RFX2: variants seen among roughly 807,000 people sequenced by gnomAD.
RFX2 encodes the protein regulatory factor X2.
A neutral mutation model predicts 87.8 loss-of-function variants in RFX2; 20 were observed. The ratio of observed to expected loss-of-function variants is 0.23; its 90% CI spans 0.16 to 0.33. The LOEUF (loss-of-function observed/expected upper bound fraction) is 0.33, where lower values mean the gene tolerates loss of function less well. Among genes scored for constraint, RFX2 ranks in the 10% least tolerant of loss-of-function variants. The pLI is 1.00. For missense variants in RFX2, 767 were observed against 1,012.3 expected (o/e 0.76, Z 3.29); for synonymous variants, 397 against 431.3 (o/e 0.92, Z 0.98).
In RFX2 at chr19:6,099,040, G is replaced by A. The variant is rs1274078313; in HGVS notation, c.-9+11353C>T. Among the ~76,000 whole-genome samples, 4 of 144,942 alleles carry A rather than the reference G, an allele frequency of 2.8e-5. No homozygotes were observed. In the East Asian group the frequency reaches 6.1e-4, roughly 22 times the overall value. On this transcript the variant is annotated intron_variant, in intron 1 of 17. Coordinates refer to ENST00000303657, the MANE Select transcript of RFX2 (RefSeq NM_000635.4). ...TGCCCTATAACCTTGCTTTCCCTCA[G>A]AGCAAAAAGGAGAATTCATTGGTTC...
chr19:6,077,213 A>T (rs192665035), intron 1 of RFX2: 1 of 152,246 alleles, frequency 6.6e-6, no homozygotes, highest in Non-Finnish European at 1.5e-5. Flanking sequence ...CTCCAAAAGG[A>T]GAGGCCATTT....
Position 6,081,942 on chromosome 19 carries a change from G to A in RFX2, c.-9+28451C>T, listed in dbSNP as rs867393942. Among the ~76,000 whole-genome samples, 36 of 152,240 alleles carry A rather than the reference G, an allele frequency of 2.4e-4. 1 individual carries two copies. The highest frequency in any genetic ancestry group is 2.5e-4 in the Non-Finnish European group (17 of 68,010). ...CTCTACTAAAAAATACAAAAAATTA[G>A]CTGGGTGTACTGGTGGGCACCTGTA... On this transcript the variant is annotated intron_variant, in intron 1 of 17. Transcript: ENST00000303657.
At chr19:6,006,245 C>T (rs1367987255) in intron 12 of RFX2, among the ~76,000 whole-genome samples, 2 of 152,108 alleles carry the variant, frequency 1.3e-5, no homozygotes, top group Admixed American at 6.5e-5. Context: ...ACTGCAGCCT[C>T]GACCTCTTGG....
At position 6,042,078 on chromosome 19, in the gene RFX2, CCACGTACTGCACCTGGGCAGGATA is replaced by C; in HGVS notation, c.202_225del (p.Tyr68_Val75del). 6.2e-7 allele frequency: 1 copy of C among 1,613,990 alleles called. No individual in the cohort carries two copies. The highest frequency in any genetic ancestry group is 8.5e-7 in the Non-Finnish European group (1 of 1,180,010). On this transcript the variant is annotated inframe_deletion, in exon 4 of 18. Transcript: ENST00000303657. ...TTGGTGTAGACGGCGTCTCCCCCTT[CCACGTACTGCACCTGGGCAGGATA>C]CACGTGCTGCACCGGCTGCACCTGA...
intron 9 of RFX2, 66 bp from the exon 10 acceptor site, chr19:6,008,290 G>C: frequency 1.0e-6 from 1 of 968,426 alleles, no homozygotes; most frequent in Non-Finnish European, 1.5e-6. Context: ...CAACTGGAAG[G>C]CCACGGTGGA....
intron 1 of RFX2, among the ~76,000 whole-genome samples, chr19:6,108,103 C>T (rs886178621): frequency 6.6e-6 from 1 of 152,216 alleles, no homozygotes; most frequent in Non-Finnish European, 1.5e-5. Flanking sequence ...TTTCAGAACT[C>T]ATTCCCAACC....
intron 7 of RFX2, among the ~76,000 whole-genome samples, chr19:6,014,577 G>A (rs1262487445): frequency 6.6e-6 from 1 of 152,132 alleles, no homozygotes; most frequent in African/African-American, 2.4e-5. Context: ...ATAGCAGACA[G>A]CCTGGGCCCT....
Position 6,045,515 on chromosome 19 carries a change from G to A in RFX2, c.91-1233C>T, listed in dbSNP as rs1283573188. The stretch of plus-strand genomic sequence containing the variant: ...CCACAACTGCTGGCAGGGCGACGGC[G>A]TCTGATCCTCACCTCAGATGGGCTT... On this transcript the variant is annotated intron_variant, in intron 2 of 17. Transcript: ENST00000303657. The surrounding 1 kb of genome is among the most constrained non-coding windows in gnomAD (Gnocchi z 5.2). 2.0e-5 allele frequency among the ~76,000 whole-genome samples: 3 copies of A among 152,204 alleles called. No homozygotes were observed. The highest frequency in any genetic ancestry group is 6.5e-5 in the Admixed American group (1 of 15,276).
At chr19:6,073,595 AC>A (rs2087640942) in intron 1 of RFX2, 1 of 316,750 alleles carries the variant, frequency 3.2e-6, no homozygotes, top group South Asian at 4.0e-5. Flanking sequence ...ATATATAAAA[AC>A]AAAAAATAAA....
intron 2 of RFX2, among the ~76,000 whole-genome samples, chr19:6,046,237 A>G (rs1026638161): frequency 5.9e-5 from 9 of 152,332 alleles, no homozygotes; most frequent in Non-Finnish European, 2.9e-5. Context: ...ATTTTAAAGA[A>G]TATGTTCATT....
chr19:6,092,557 A>C (rs901047949), intron 1 of RFX2, among the ~76,000 whole-genome samples: 1 of 152,230 alleles, frequency 6.6e-6, no homozygotes, highest in African/African-American at 2.4e-5. Context: ...CAAGGGCGAC[A>C]AGCATGAGCT....
chr19:6,092,377 T>C (rs984818195), intron 1 of RFX2, among the ~76,000 whole-genome samples: 3 of 151,948 alleles, frequency 2.0e-5, no homozygotes, highest in African/African-American at 7.3e-5. Flanking sequence ...GGACGGAGGG[T>C]GGCCCCGCAG....
chr19:6,014,947 G>A (rs1006263848), intron 7 of RFX2, among the ~76,000 whole-genome samples: 38 of 152,224 alleles, frequency 2.5e-4, no homozygotes, highest in African/African-American at 9.2e-4. Flanking sequence ...CTGGCCACAG[G>A]ATCACAGCCT....
chr19:6,007,846 A>G lies in RFX2; in HGVS notation c.1135-44T>C. 7.6e-7 allele frequency: 1 copy of G among 1,309,090 alleles called. No homozygotes were observed. Among genetic ancestry groups the G allele is most frequent in the Non-Finnish European group, 1.1e-6 (1 of 925,742 alleles). 81.1% of individuals were successfully genotyped at this position (1,309,090 alleles called of 1,614,324 possible). On this transcript the variant is annotated intron_variant, in intron 10 of 17. Transcript: ENST00000303657. This position sits in a 1 kb window ranked among gnomAD's most constrained non-coding sequence, Gnocchi z 8.2. Reference sequence around the variant, plus strand: ...GTGAGACAGACGGGTGCGTGCGCCCATCACGTGCACTCAGCACACGTCAAG... The same window carrying G: ...GTGAGACAGACGGGTGCGTGCGCCCGTCACGTGCACTCAGCACACGTCAAG...
intron 1 of RFX2, among the ~76,000 whole-genome samples, chr19:6,106,808 A>G (rs914287773): frequency 2.7e-5 from 4 of 148,104 alleles, no homozygotes; most frequent in African/African-American, 9.8e-5. Flanking sequence ...ATATATTTAT[A>G]TTTAAATTTT....
intron 5 of RFX2, among the ~76,000 whole-genome samples, chr19:6,034,894 T>C (rs1412349121): frequency 6.6e-6 from 1 of 152,160 alleles, no homozygotes; most frequent in Non-Finnish European, 1.5e-5. Flanking sequence ...TACCGAAAAT[T>C]TCTCTTTTAA....
At position 6,026,139 on chromosome 19, in the gene RFX2, T is replaced by C. The variant is rs2086885868; in HGVS notation, c.597+24A>G. The stretch of plus-strand genomic sequence containing the variant: ...AGGTTACAAGCAGAGCAGGGACAGG[T>C]TGCCAGGTCAGACGCACACTTACAT... On this transcript the variant is annotated intron_variant, in intron 6 of 17. Transcript: ENST00000303657. The surrounding 1 kb of genome is among the most constrained non-coding windows in gnomAD (Gnocchi z 4.5). The C allele has an allele frequency of 3.8e-6, 6 of 1,597,416 alleles. No homozygotes were observed. The highest frequency in any genetic ancestry group is 5.1e-6 in the Non-Finnish European group (6 of 1,166,486).
At chr19:6,014,558 T>G (rs1256251820) in intron 7 of RFX2, among the ~76,000 whole-genome samples, 2 of 152,138 alleles carry the variant, frequency 1.3e-5, no homozygotes, top group Non-Finnish European at 2.9e-5. Flanking sequence ...CTTTTTAAAT[T>G]TCATTGCAAT....
At chr19:6,035,850 G>GTGTGTGTGTGTGTGT (rs1555776253) in intron 5 of RFX2, among the ~76,000 whole-genome samples, 33 of 137,166 alleles carry the variant, frequency 2.4e-4, no homozygotes, top group Non-Finnish European at 4.6e-4. Flanking sequence ...CTTGGTGGGG[G>GTGTGTGTGTGTGTGT]GTGTGTGTGT....
Sources: allele counts gnomAD v4.1 joint callset (sites outside exome capture counted in the v4.1 genomes callset), GRCh38; gene constraint gnomAD v4.1.1; non-coding constraint Gnocchi (gnomAD v3.1); transcripts MANE v1.5; gene names NCBI Gene and HGNC (gene_info 2026-07-23, HGNC 2026-07-21).